The following VPS35L variants were observed in gnomAD, a reference collection of about 807,000 sequenced individuals.
VPS35L encodes the protein VPS35 endosomal protein sorting factor like.
A neutral mutation model predicts 133.0 loss-of-function variants in VPS35L; 83 were observed. The observed-to-expected ratio is 0.62, with a 90% CI of 0.52 to 0.75. VPS35L has a LOEUF of 0.75. VPS35L is among the 30% of genes least tolerant of loss of function. The probability of loss-of-function intolerance (pLI) is 0.00; values close to 1 mark genes in which losing one functional copy is unlikely to be tolerated. For missense variants in VPS35L, 1,083 were observed against 1,206.8 expected, an observed-to-expected ratio of 0.90 and a Z score of 1.52; for synonymous variants, 423 against 449.9, an observed-to-expected ratio of 0.94 and a Z score of 0.76.
intron 24 of VPS35L, among the ~76,000 whole-genome samples, chr16:19,649,558 G>A (rs192528061): frequency 3.3e-5 from 5 of 152,260 alleles, no homozygotes; most frequent in East Asian, 1.9e-4. Flanking sequence ...TTTTTACAAC[G>A]TGCAACAAAC....
At chr16:19,556,204 A>C (rs936810004) in intron 1 of VPS35L, among the ~76,000 whole-genome samples, 24 of 152,150 alleles carry the variant, frequency 1.6e-4, no homozygotes, top group Admixed American at 1.6e-3. Context: ...CATTCATCCT[A>C]TCCTAGGCAC....
intron 12 of VPS35L, among the ~76,000 whole-genome samples, chr16:19,615,731 G>C (rs1972865797): frequency 1.3e-5 from 2 of 151,780 alleles, no homozygotes; most frequent in African/African-American, 4.8e-5. Context: ...CACTTTGAGA[G>C]GCCAGGGTGG....
At chr16:19,576,514 G>A (rs1971543898) in intron 5 of VPS35L, among the ~76,000 whole-genome samples, 1 of 152,126 alleles carries the variant, frequency 6.6e-6, no homozygotes, top group South Asian at 2.1e-4. Context: ...GCCCCCACTT[G>A]CTCAATTAAT....
At chr16:19,557,524 C>G (rs1321964166) in intron 1 of VPS35L, among the ~76,000 whole-genome samples, 2 of 152,038 alleles carry the variant, frequency 1.3e-5, no homozygotes, top group Non-Finnish European at 2.9e-5. Flanking sequence ...GCTGGGATTA[C>G]AGGCGATGCC....
intron 25 of VPS35L, among the ~76,000 whole-genome samples, chr16:19,651,222 C>T (rs963765107): frequency 2.0e-5 from 3 of 150,958 alleles, no homozygotes; most frequent in Admixed American, 2.0e-4. Context: ...CTTCTTGAAG[C>T]TGAAAATTTT....
In VPS35L at chr16:19,682,336, C is replaced by T; in HGVS notation, c.2473C>T (p.Leu825=). 6.2e-7 allele frequency: 1 copy of T among 1,614,228 alleles called. No homozygotes were observed. The highest frequency in any genetic ancestry group is 8.5e-7 in the Non-Finnish European group (1 of 1,180,034). Residue 825 remains leucine (L), a synonymous_variant, in exon 28 of 31, where the codon CTG becomes TTG. Transcript: ENST00000417362. ...DEKIRIYTCV[L]HLLSAMSQET... ...GAAAATCCGCATCTACACCTGCGTC[C>T]TGCATCTCCTCTCCGCCATGAGCCA... is the stretch of plus-strand genomic sequence containing the variant.
At chr16:19,584,220 A>C (rs927140946) in intron 7 of VPS35L, among the ~76,000 whole-genome samples, 1 of 152,162 alleles carries the variant, frequency 6.6e-6, no homozygotes, top group African/African-American at 2.4e-5. Context: ...ATGATAACCT[A>C]GTTGTGGGAT....
chr16:19,666,872 TTTTCTTTCTTTCTTTCTTTCTTTCTTTC>T (rs551438290), intron 26 of VPS35L, among the ~76,000 whole-genome samples: 15 of 106,256 alleles, frequency 1.4e-4, no homozygotes, highest in African/African-American at 2.3e-4. Flanking sequence ...AGGGCCATGT[TTTTCTTTCTTTCTTTCTTTCTTTCTTTC>T]TTTCTTTCTT....
chr16:19,568,084 C>G lies in VPS35L; in HGVS notation c.118-1340C>G, dbSNP rs577544624. On this transcript the variant is annotated intron_variant, in intron 2 of 30. Coordinates refer to ENST00000417362, the MANE Select transcript of VPS35L (RefSeq NM_020314.7). ...TAATTTGCTATAGTGGCTCACAGAA[C>G]TAGGGAAACATTTACTTATACTTAC... Among the ~76,000 whole-genome samples, 333 of 152,118 alleles carry G rather than the reference C, an allele frequency of 2.2e-3. 1 individual carries two copies. Among genetic ancestry groups the G allele is most frequent in the African/African-American group, 7.1e-3 (296 of 41,504 alleles).
Position 19,660,036 on chromosome 16 carries a change from C to G in VPS35L, c.2221+7946C>G, listed in dbSNP as rs74011486. Among the ~76,000 whole-genome samples, 4 of 152,140 alleles carry G rather than the reference C, an allele frequency of 2.6e-5. No individual in the cohort carries two copies. The East Asian group carries it at 5.8e-4, about 22-fold the overall frequency. On this transcript the variant is annotated intron_variant, in intron 26 of 30. Coordinates refer to ENST00000417362, the MANE Select transcript of VPS35L (RefSeq NM_020314.7). ...TGGAACATCTTGTCTTAAGAACTTACGATTTTTGGCCGGGCACGGTGGCTC... is the reference window on the plus strand; with the variant it reads ...TGGAACATCTTGTCTTAAGAACTTAGGATTTTTGGCCGGGCACGGTGGCTC...
rs1359750397 is a variant in VPS35L, at chr16:19,569,600, C to A, written c.285+9C>A. ...CCTTGGCAGCTGCCATGGTAATGCA[C>A]CCCAGCCATGGTCGTCCAGTGGGGG... On this transcript the variant is annotated intron_variant, in intron 3 of 30. Transcript: ENST00000417362. 2.6e-6 allele frequency: 4 copies of A among 1,526,864 alleles called. No individual in the cohort carries two copies. Among genetic ancestry groups the A allele is most frequent in the Non-Finnish European group, 3.5e-6 (4 of 1,138,440 alleles). 94.6% of individuals were successfully genotyped at this position (1,526,864 alleles called of 1,614,324 possible).
At chr16:19,581,835 C>A (rs1971720388) in intron 7 of VPS35L, 182 bp downstream of exon 7, 1 of 730,244 alleles carries the variant, frequency 1.4e-6, no homozygotes, top group Non-Finnish European at 2.2e-6. Context: ...GATGGCTAAT[C>A]CCAGGGTTAC....
intron 26 of VPS35L, among the ~76,000 whole-genome samples, chr16:19,663,947 A>ATGGCTTTGTG (rs1293458876): frequency 2.6e-5 from 4 of 151,838 alleles, no homozygotes; most frequent in African/African-American, 4.8e-5. Context: ...TGGGGTTTTA[A>ATGGCTTTGTG]TGGCTTTGTG....
At chr16:19,626,070 A>T (rs1052606184) in intron 14 of VPS35L, 107 bp from the exon 15 acceptor site, 6 of 686,624 alleles carry the variant, frequency 8.7e-6, no homozygotes, top group African/African-American at 7.3e-5. Flanking sequence ...ATCTTAATGG[A>T]CATGTGGCTA....
At chr16:19,676,530 T>C (rs1975068332) in intron 27 of VPS35L, among the ~76,000 whole-genome samples, 1 of 152,246 alleles carries the variant, frequency 6.6e-6, no homozygotes, top group South Asian at 2.1e-4. Context: ...TAGACTTGAC[T>C]GAACAAGTTC....
Position 19,677,443 on chromosome 16 carries a change from C to G in VPS35L, c.2362-4782C>G, listed in dbSNP as rs574509666. Among the ~76,000 whole-genome samples the G allele has an allele frequency of 2.6e-5, 4 of 152,214 alleles. No homozygotes were observed. The East Asian group carries it at 7.7e-4, about 29-fold the overall frequency. On this transcript the variant is annotated intron_variant, in intron 27 of 30. Coordinates refer to ENST00000417362, the MANE Select transcript of VPS35L (RefSeq NM_020314.7). Reference sequence around the variant, plus strand: ...GAGCTCCAGATTTGGGGGATGGGGTCAGATAATCAGGAGAGTTCCCGAAGA... The same window carrying G: ...GAGCTCCAGATTTGGGGGATGGGGTGAGATAATCAGGAGAGTTCCCGAAGA...
At chr16:19,597,089 G>C (rs1055390334) in intron 8 of VPS35L, among the ~76,000 whole-genome samples, 5 of 151,828 alleles carry the variant, frequency 3.3e-5, no homozygotes, top group African/African-American at 1.2e-4. Flanking sequence ...GGCTGGGCAT[G>C]GTGACTCACA....
intron 8 of VPS35L, among the ~76,000 whole-genome samples, chr16:19,597,558 T>C (rs1972256385): frequency 6.6e-6 from 1 of 152,182 alleles, no homozygotes; most frequent in South Asian, 2.1e-4. Flanking sequence ...TCTGCAGCTT[T>C]TTTGAATTTT....
intron 26 of VPS35L, among the ~76,000 whole-genome samples, chr16:19,668,245 C>T (rs955752023): frequency 2.6e-5 from 4 of 152,134 alleles, no homozygotes; most frequent in African/African-American, 7.2e-5. Flanking sequence ...TCCATTTGGA[C>T]CATGAAAACA....
Sources: allele counts gnomAD v4.1 joint callset (sites outside exome capture counted in the v4.1 genomes callset), GRCh38; gene constraint gnomAD v4.1.1; transcripts MANE v1.5; gene names NCBI Gene and HGNC (gene_info 2026-07-23, HGNC 2026-07-21).